The following PCSK5 variants were observed in gnomAD, a reference collection of about 807,000 sequenced individuals.
PCSK5 encodes prohormone convertase 5.
A neutral mutation model predicts 233.2 loss-of-function variants in PCSK5; 129 were observed. That is an observed-to-expected ratio of 0.55 (90% CI 0.48 to 0.64). The LOEUF (loss-of-function observed/expected upper bound fraction) is 0.64. PCSK5 is among the 30% of genes least tolerant of loss of function. The pLI, the probability that PCSK5 is intolerant of heterozygous loss-of-function variation, is 0.00. For synonymous variants in PCSK5, 825 were observed against 879.2 expected (o/e 0.94, Z 1.09); for missense variants, 2,076 against 2,430.1 (o/e 0.85, Z 3.06).
chr9:76,012,065 C>T (rs1827749683), intron 3 of PCSK5, among the ~76,000 whole-genome samples: 1 of 152,068 alleles, frequency 6.6e-6, no homozygotes, highest in South Asian at 2.1e-4. Context: ...TTCTCATTCC[C>T]AGATGTAGAC....
chr9:76,033,809 A>G (rs892701811), intron 5 of PCSK5, among the ~76,000 whole-genome samples: 1 of 152,072 alleles, frequency 6.6e-6, no homozygotes, highest in African/African-American at 2.4e-5. Flanking sequence ...CAAGCCCCTC[A>G]GGCCTCTTTA....
At chr9:76,351,830 TG>T (rs1830175810) in intron 36 of PCSK5, among the ~76,000 whole-genome samples, 1 of 151,896 alleles carries the variant, frequency 6.6e-6, no homozygotes, top group African/African-American at 2.4e-5. Flanking sequence ...TTTGACCTCC[TG>T]GGCTCAGGTG....
chr9:76,085,302 C>T (rs185270760), intron 7 of PCSK5, among the ~76,000 whole-genome samples: 2 of 152,358 alleles, frequency 1.3e-5, no homozygotes, highest in African/African-American at 2.4e-5. Flanking sequence ...CTGTTCTCTT[C>T]CTGTTCATCC....
At chr9:76,061,807 A>G (rs1202595273) in intron 5 of PCSK5, among the ~76,000 whole-genome samples, 1 of 152,248 alleles carries the variant, frequency 6.6e-6, no homozygotes, top group Non-Finnish European at 1.5e-5. Flanking sequence ...ATTGATCTTT[A>G]CAAATTATGT....
At chr9:76,118,368 T>G (rs1832511940) in intron 9 of PCSK5, among the ~76,000 whole-genome samples, 1 of 148,476 alleles carries the variant, frequency 6.7e-6, no homozygotes, top group Non-Finnish European at 1.5e-5. Flanking sequence ...TGTTTTTGCA[T>G]GACATTTTCT....
rs1824245677 is a variant in PCSK5, at chr9:76,189,174, A to G, written c.2461A>G (p.Ser821Gly). 4 of 1,612,912 alleles carry G rather than the reference A, an allele frequency of 2.5e-6. No homozygotes were observed. Among genetic ancestry groups the G allele is most frequent in the Non-Finnish European group, 3.4e-6 (4 of 1,179,492 alleles). Reference sequence around the variant, plus strand: ...GAGATGCGTGCAGAGCTGTAGTATCAGCTATTACTTTGACCACTCTTCAGA... The same window carrying G: ...GAGATGCGTGCAGAGCTGTAGTATCGGCTATTACTTTGACCACTCTTCAGA... ...DGRCVQSCSI[S>G]YYFDHSSENG... Residue 821 changes from serine to glycine, a missense_variant, in exon 19 of 38, where the codon AGC becomes GGC. By Grantham distance (56) the Ser-to-Gly change is moderately conservative. Around this residue, in one of 6 missense-constraint regions of PCSK5, gnomAD observed 1,510 missense variants for 1,538.1 expected, o/e 0.98. Transcript: ENST00000674117.
At chr9:76,135,183 G>A (rs1377061156) in intron 10 of PCSK5, among the ~76,000 whole-genome samples, 1 of 151,888 alleles carries the variant, frequency 6.6e-6, no homozygotes, top group African/African-American at 2.4e-5. Flanking sequence ...AATAATTTAA[G>A]CATTTTGGAT....
Position 76,244,945 on chromosome 9 carries a change from TC to T in PCSK5, c.3142+4263del, listed in dbSNP as rs1826542735. ...CAATTCTTTCTCTTTCTAACCAGTATCCTGAATGGAAATTTTAACTACTAAG... is the reference window on the plus strand; with the variant it reads ...CAATTCTTTCTCTTTCTAACCAGTATCTGAATGGAAATTTTAACTACTAAG... On this transcript the variant is annotated intron_variant, in intron 24 of 37. Coordinates refer to ENST00000674117, the MANE Select transcript of PCSK5 (RefSeq NM_001372043.1). Among the ~76,000 whole-genome samples the T allele has an allele frequency of 3.9e-5, 6 of 152,360 alleles. No homozygotes were observed. The South Asian group carries it at 1.2e-3, about 32-fold the overall frequency.
At chr9:76,078,584 TTCTC>T (rs1311295223) in intron 7 of PCSK5, among the ~76,000 whole-genome samples, 1 of 152,272 alleles carries the variant, frequency 6.6e-6, no homozygotes, top group Non-Finnish European at 1.5e-5. Flanking sequence ...AAGGAGTCCT[TTCTC>T]TATTGCTATT....
At chr9:75,901,805 G>T (rs1295025882) in intron 1 of PCSK5, among the ~76,000 whole-genome samples, 2 of 152,132 alleles carry the variant, frequency 1.3e-5, no homozygotes, top group East Asian at 3.9e-4. Context: ...TTTGCTGCTT[G>T]TCCTTAGCCA....
chr9:76,144,391 A>T (rs989534855), intron 10 of PCSK5, among the ~76,000 whole-genome samples: 3 of 152,340 alleles, frequency 2.0e-5, no homozygotes, highest in East Asian at 1.9e-4. Context: ...CTCCCACTGA[A>T]TTGCAGTCAC....
chr9:75,931,886 AAACG>A (rs1411269608), intron 1 of PCSK5, among the ~76,000 whole-genome samples: 1 of 151,710 alleles, frequency 6.6e-6, no homozygotes, highest in Admixed American at 6.6e-5. Flanking sequence ...AGTCACAAAC[AAACG>A]AAGTCATGTT....
At chr9:76,279,003 C>G in intron 24 of PCSK5, among the ~76,000 whole-genome samples, 1 of 151,126 alleles carries the variant, frequency 6.6e-6, no homozygotes, top group Non-Finnish European at 1.5e-5. Context: ...TGCTGGTGCG[C>G]TGCACCCACT....
chr9:76,343,921 T>C (rs923875160), intron 35 of PCSK5, among the ~76,000 whole-genome samples: 71 of 149,420 alleles, frequency 4.8e-4, no homozygotes, highest in African/African-American at 1.7e-3. Flanking sequence ...TAAAATGTGA[T>C]TGAAAATTTT....
intron 6 of PCSK5, among the ~76,000 whole-genome samples, chr9:76,070,800 C>T (rs542605906): frequency 3.9e-5 from 6 of 152,208 alleles, no homozygotes; most frequent in East Asian, 1.9e-4. Context: ...ATTTAATCCC[C>T]GTTTGTTGAT....
chr9:76,186,137 A>G (rs1360394785), intron 17 of PCSK5, among the ~76,000 whole-genome samples: 1 of 152,218 alleles, frequency 6.6e-6, no homozygotes, highest in African/African-American at 2.4e-5. Flanking sequence ...TATCATTTCA[A>G]CAATATAAAA....
intron 2 of PCSK5, among the ~76,000 whole-genome samples, chr9:75,971,622 C>T (rs1825818928): frequency 6.6e-6 from 1 of 152,176 alleles, no homozygotes; most frequent in Non-Finnish European, 1.5e-5. Context: ...TAATGATCAC[C>T]ATTCTAACTG....
At chr9:75,913,635 T>C (rs1822852800) in intron 1 of PCSK5, among the ~76,000 whole-genome samples, 1 of 152,176 alleles carries the variant, frequency 6.6e-6, no homozygotes, top group African/African-American at 2.4e-5. Context: ...GAATATAGTG[T>C]CCATTTGAAA....
chr9:76,185,976 T>A (rs1417901079), intron 17 of PCSK5, among the ~76,000 whole-genome samples: 4 of 152,194 alleles, frequency 2.6e-5, no homozygotes, highest in African/African-American at 7.2e-5. Flanking sequence ...GAACATTGTA[T>A]AGAGTATGTT....
Sources: gnomAD v4.1 joint callset for allele counts (sites outside exome capture counted in the v4.1 genomes callset) on GRCh38, gnomAD v4.1.1 for gene constraint, gnomAD v4.1.1 regional missense constraint, MANE v1.5 for transcripts, NCBI Gene and HGNC (gene_info 2026-07-23, HGNC 2026-07-21) for gene names.